The following SORCS1 variants were observed in gnomAD, a reference collection of about 807,000 sequenced individuals.
SORCS1 encodes the protein VPS10 domain-containing receptor SorCS1.
A neutral mutation model predicts 146.1 loss-of-function variants in SORCS1; 60 were observed. That is an observed-to-expected ratio of 0.41 (90% CI 0.33 to 0.51). The LOEUF is 0.51. Ranked by LOEUF, SORCS1 falls within the 20% of genes least tolerant of loss-of-function variation. The pLI, the probability that SORCS1 is intolerant of heterozygous loss-of-function variation, is 0.21. For synonymous variants in SORCS1, 637 were observed against 584.0 expected, an observed-to-expected ratio of 1.09 and a Z score of -1.31; for missense variants, 1,352 against 1,487.6, an observed-to-expected ratio of 0.91 and a Z score of 1.50.
chr10:106,865,958 G>A (rs527964135), intron 2 of SORCS1, among the ~76,000 whole-genome samples: 42 of 151,552 alleles, frequency 2.8e-4, no homozygotes, highest in Non-Finnish European at 4.3e-4. Context: ...ACTTGAACCT[G>A]GGAGGCGGAA....
At chr10:106,637,857 G>A (rs1848817990) in intron 18 of SORCS1, among the ~76,000 whole-genome samples, 1 of 152,146 alleles carries the variant, frequency 6.6e-6, no homozygotes, top group Admixed American at 6.5e-5. Context: ...ATCACAAAGT[G>A]GTTTGGTCCT....
chr10:106,854,816 AGTGT>A (rs1385482402), intron 2 of SORCS1, among the ~76,000 whole-genome samples: 3 of 152,036 alleles, frequency 2.0e-5, no homozygotes, highest in African/African-American at 7.2e-5. Context: ...AGCATACCTA[AGTGT>A]GTATGTGTGT....
chr10:106,972,501 T>C (rs1443795229), intron 1 of SORCS1, among the ~76,000 whole-genome samples: 3 of 152,250 alleles, frequency 2.0e-5, no homozygotes, highest in Middle Eastern at 3.4e-3. Context: ...CCTTCTCAAC[T>C]ATCCTTTACA....
At chr10:106,767,550 G>A (rs756571506) in intron 4 of SORCS1, among the ~76,000 whole-genome samples, 2 of 152,134 alleles carry the variant, frequency 1.3e-5, no homozygotes, top group South Asian at 2.1e-4. Flanking sequence ...GTACAGTGGC[G>A]CCATCTCGGC....
chr10:106,641,914 C>T (rs1849095286), intron 18 of SORCS1, among the ~76,000 whole-genome samples: 4 of 151,972 alleles, frequency 2.6e-5, no homozygotes, highest in African/African-American at 4.8e-5. Context: ...AACAGAGGTC[C>T]TAGTCAAACC....
At chr10:107,024,173 CAA>C (rs60404386) in intron 1 of SORCS1, among the ~76,000 whole-genome samples, 3,876 of 94,530 alleles carry the variant, frequency 0.041, 70 homozygotes, top group African/African-American at 0.089. Flanking sequence ...GATTCCATCT[CAA>C]AAAAAAAAAA....
rs527257190 is a variant in SORCS1, at chr10:107,140,731, C to T, written c.558+23238G>A. Among the ~76,000 whole-genome samples, 7 of 152,258 alleles carry T rather than the reference C, an allele frequency of 4.6e-5. No individual in the cohort carries two copies. The East Asian group carries it at 5.8e-4, about 13-fold the overall frequency. On this transcript the variant is annotated intron_variant, in intron 1 of 25. Coordinates refer to ENST00000263054, the MANE Select transcript of SORCS1 (RefSeq NM_052918.5). ...AGCTCTATTGTCTCAAGACATCATT[C>T]GATATCCCAACATATAACACACATG...
chr10:107,087,987 C>T (rs1274723847), intron 1 of SORCS1, among the ~76,000 whole-genome samples: 10 of 152,162 alleles, frequency 6.6e-5, no homozygotes, highest in African/African-American at 2.4e-5. Flanking sequence ...GGCGTGATCT[C>T]GGCTCACGGC....
chr10:106,904,991 C>A (rs879578469), intron 2 of SORCS1, among the ~76,000 whole-genome samples: 3 of 152,102 alleles, frequency 2.0e-5, no homozygotes, highest in Non-Finnish European at 4.4e-5. Context: ...CTGTCAAAAA[C>A]GGAATATAAC....
intron 3 of SORCS1, among the ~76,000 whole-genome samples, chr10:106,778,315 G>A (rs1860619553): frequency 6.6e-6 from 1 of 152,024 alleles, no homozygotes; most frequent in South Asian, 2.1e-4. Context: ...GATGAAAAGC[G>A]CACACAAAAC....
At chr10:106,579,495 G>C (rs759658378) in intron 24 of SORCS1, 21 bp from the exon 25 acceptor site, 1 of 1,612,352 alleles carries the variant, frequency 6.2e-7, no homozygotes, top group East Asian at 2.2e-5. Flanking sequence ...AAACAGAGCA[G>C]AGAAAAATGA....
intron 2 of SORCS1, among the ~76,000 whole-genome samples, chr10:106,900,694 G>T (rs1200188660): frequency 6.6e-6 from 1 of 151,924 alleles, no homozygotes; most frequent in Non-Finnish European, 1.5e-5. Flanking sequence ...TTATTTTCAG[G>T]GGTTGTCTTG....
At chr10:106,888,799 G>A (rs1319967093) in intron 2 of SORCS1, among the ~76,000 whole-genome samples, 4 of 152,246 alleles carry the variant, frequency 2.6e-5, no homozygotes, top group Non-Finnish European at 5.9e-5. Context: ...GTAAGAGTAG[G>A]AGAATCTATG....
In SORCS1 at chr10:107,001,509, G is replaced by C. The variant is rs751316005; in HGVS notation, c.559-44929C>G. ...AGGAGTAATAGGAAGGAAGGAAGTA[G>C]GACATTGTAAGAGATAGAAATAAAC... On this transcript the variant is annotated intron_variant, in intron 1 of 25. Coordinates refer to ENST00000263054, the MANE Select transcript of SORCS1 (RefSeq NM_052918.5). Among the ~76,000 whole-genome samples, 3 of 152,282 alleles carry C rather than the reference G, an allele frequency of 2.0e-5. 1 individual carries two copies. The South Asian group carries it at 6.2e-4, about 32-fold the overall frequency.
chr10:106,689,712 G>A (rs887486613), intron 9 of SORCS1, among the ~76,000 whole-genome samples: 5 of 152,166 alleles, frequency 3.3e-5, no homozygotes, highest in African/African-American at 1.2e-4. Flanking sequence ...TACAGATAAA[G>A]AAACTGAGAT....
chr10:106,949,711 T>G (rs1954574212), intron 2 of SORCS1, among the ~76,000 whole-genome samples: 1 of 152,194 alleles, frequency 6.6e-6, no homozygotes. Flanking sequence ...TTTTGCTGTT[T>G]GAGAAGTACA....
rs1000439807 is a variant in SORCS1, at chr10:106,959,802, C to A, written c.559-3222G>T. On this transcript the variant is annotated intron_variant, in intron 1 of 25. Transcript: ENST00000263054. The stretch of plus-strand genomic sequence containing the variant: ...GCTGGGAGTGAGGTGCAGGACACTG[C>A]GTCCAGCTTTCAGTGGAACTTTTCA... Among the ~76,000 whole-genome samples the A allele has an allele frequency of 1.1e-4, 16 of 152,266 alleles. 2 individuals are homozygous for A. The highest frequency in any genetic ancestry group is 5.2e-4 in the Admixed American group (8 of 15,292).
At chr10:106,600,440 T>C (rs1007515980) in intron 23 of SORCS1, 2 of 982,326 alleles carry the variant, frequency 2.0e-6, no homozygotes, top group South Asian at 4.7e-5. Context: ...AAAATTTACA[T>C]TGCATATAAG....
rs531753617 is a variant in SORCS1 at position 106,793,327 on chromosome 10, G to C, written c.727-16635C>G. 1.0e-3 allele frequency among the ~76,000 whole-genome samples: 157 copies of C among 152,320 alleles called. 2 individuals carry two copies. Among genetic ancestry groups the C allele is most frequent in the African/African-American group, 3.7e-3 (154 of 41,572 alleles). ...TGCAAAAGCAGAGGAATGCGGGCATGCATTACATGTTTTGGTAATGGCAAG... is the reference window on the plus strand; with the variant it reads ...TGCAAAAGCAGAGGAATGCGGGCATCCATTACATGTTTTGGTAATGGCAAG... On this transcript the variant is annotated intron_variant, in intron 3 of 25. Coordinates refer to ENST00000263054, the MANE Select transcript of SORCS1 (RefSeq NM_052918.5).
Sources: allele counts gnomAD v4.1 joint callset (sites outside exome capture counted in the v4.1 genomes callset), GRCh38; gene constraint gnomAD v4.1.1; transcripts MANE v1.5; gene names NCBI Gene and HGNC (gene_info 2026-07-23, HGNC 2026-07-21).